HNRNPH1: variants seen among roughly 807,000 people sequenced by gnomAD.
HNRNPH1 encodes heterogeneous nuclear ribonucleoprotein H.
In HNRNPH1, 4 loss-of-function variants were observed where a neutral mutation model predicts 58.6. That is an observed-to-expected ratio of 0.07 (90% CI 0.03 to 0.16). HNRNPH1 has a LOEUF of 0.16. HNRNPH1 is among the 10% of genes least tolerant of loss of function. HNRNPH1 has a pLI of 1.00. For missense variants in HNRNPH1, 271 were observed against 564.2 expected (o/e 0.48, Z 5.26); for synonymous variants, 192 against 189.2 (o/e 1.01, Z -0.12).
intron 2 of HNRNPH1, 41 bp from the exon 4 acceptor site, chr5:179,621,076 G>A (rs749005424): frequency 5.6e-6 from 9 of 1,603,076 alleles, no homozygotes; most frequent in South Asian, 3.3e-5. Flanking sequence ...TGGAAAATTA[G>A]ATAACAAAGT....
exon 1 of HNRNPH1, chr5:179,624,161 G>T (rs1280625894): frequency 4.8e-6 from 1 of 206,364 alleles, no homozygotes; most frequent in Non-Finnish European, 9.6e-6. Context: ...TCCCCGCGCC[G>T]CCTGTCTTCC....
intron 1 of HNRNPH1, 25 bp from the exon 3 acceptor site, chr5:179,621,422 C>T: frequency 6.2e-7 from 1 of 1,607,080 alleles, no homozygotes; most frequent in East Asian, 2.2e-5. Flanking sequence ...ACCGTTAATA[C>T]AGAATTTAAA....
intron 1 of HNRNPH1, among the ~76,000 whole-genome samples, chr5:179,622,259 C>T (rs1772795565): frequency 6.6e-6 from 1 of 152,170 alleles, no homozygotes; most frequent in Admixed American, 6.5e-5. Context: ...GACATTTTAA[C>T]TTTCCGAAGA....
intron 2 of HNRNPH1, among the ~76,000 whole-genome samples, chr5:179,631,872 C>T (rs1027118990): frequency 6.6e-6 from 1 of 151,998 alleles, no homozygotes; most frequent in Non-Finnish European, 1.5e-5. Context: ...GAGCTGAGAT[C>T]GCGCCCCTTA....
chr5:179,630,967 C>T (rs115631782), intron 2 of HNRNPH1, among the ~76,000 whole-genome samples: 1,867 of 150,362 alleles, frequency 0.012, 45 homozygotes, highest in African/African-American at 0.043. Flanking sequence ...AATCAAAAAA[C>T]ATACATTTCA....
intron 12 of HNRNPH1, 193 bp downstream of exon 13, chr5:179,615,353 G>A: frequency 2.0e-6 from 1 of 500,470 alleles, no homozygotes; most frequent in South Asian, 3.8e-5. Context: ...AGGGAGCACA[G>A]GGGAAGTCTC....
Position 179,621,740 on chromosome 5 carries a change from T to A in HNRNPH1, c.98-343A>T, listed in dbSNP as rs188811187. On this transcript the variant is annotated intron_variant, in intron 1 of 12. Coordinates refer to ENST00000356731, the Ensembl canonical transcript of HNRNPH1. ...CTGTGTGACTTTACGGCAAACATACTTCGTTGCGAGCTGTTTTGGTCTGGG... is the reference window on the plus strand; with the variant it reads ...CTGTGTGACTTTACGGCAAACATACATCGTTGCGAGCTGTTTTGGTCTGGG... 384 of 378,982 alleles carry A rather than the reference T, an allele frequency of 1.0e-3. 1 individual carries two copies. Among genetic ancestry groups the A allele is most frequent in the Admixed American group, 1.8e-3 (45 of 25,418 alleles). The allele number at this position is 378,982 out of a possible 1,614,324, so 23.5% of individuals were successfully genotyped here.
chr5:179,630,087 G>A (rs1023611421), intron 2 of HNRNPH1, among the ~76,000 whole-genome samples: 5 of 152,064 alleles, frequency 3.3e-5, no homozygotes, highest in African/African-American at 1.2e-4. Flanking sequence ...CCGGGCTCAT[G>A]CCTGTAATCC....
intron 12 of HNRNPH1, 160 bp from the exon 14 acceptor site, chr5:179,615,119 A>G (rs951860166): frequency 9.9e-6 from 6 of 603,720 alleles, no homozygotes; most frequent in African/African-American, 5.5e-5. Flanking sequence ...GACTCCAAAC[A>G]AGCCTCAATT....
At chr5:179,622,576 C>T (rs1773015169) in intron 1 of HNRNPH1, among the ~76,000 whole-genome samples, 2 of 152,000 alleles carry the variant, frequency 1.3e-5, no homozygotes, top group African/African-American at 2.4e-5. Context: ...CCGGGCGTGG[C>T]GGTGCGCGCC....
intron 8 of HNRNPH1, 24 bp downstream of exon 9, chr5:179,617,490 C>A (rs1479319688): frequency 6.2e-7 from 1 of 1,609,304 alleles, no homozygotes; most frequent in South Asian, 1.1e-5. Flanking sequence ...TGTTAAGAGC[C>A]CACAAATGCT....
rs574160362 is a variant in HNRNPH1, at chr5:179,621,044, G to A, written c.254-9C>T. 7 of 1,612,806 alleles carry A rather than the reference G, an allele frequency of 4.3e-6. No homozygotes were observed. The highest frequency in any genetic ancestry group is 3.3e-5 in the Admixed American group (2 of 59,842). On this transcript the variant is annotated splice_polypyrimidine_tract_variant and intron_variant, in intron 2 of 12. Coordinates refer to ENST00000356731, the Ensembl canonical transcript of HNRNPH1. ...GTTGTTTGACTTGAATACTGAAAGAGGTGCTTAGAATTAGTCACTTTTGGA... is the reference window on the plus strand; with the variant it reads ...GTTGTTTGACTTGAATACTGAAAGAAGTGCTTAGAATTAGTCACTTTTGGA...
At chr5:179,622,374 G>A (rs1265253369) in intron 1 of HNRNPH1, among the ~76,000 whole-genome samples, 1 of 152,202 alleles carries the variant, frequency 6.6e-6, no homozygotes, top group Non-Finnish European at 1.5e-5. Context: ...ATTTTCTCAA[G>A]ATTGAGGAGG....
chr5:179,632,751 A>ATTTTTTT (rs1774949107), intron 2 of HNRNPH1, among the ~76,000 whole-genome samples: 1 of 50,884 alleles, frequency 2.0e-5, no homozygotes, highest in Non-Finnish European at 3.6e-5. Context: ...CAAATCAAAT[A>ATTTTTTT]TCTTTTTTTT....
chr5:179,623,712 C>A (rs1004708915), exon 1 of HNRNPH1: 1 of 152,408 alleles, frequency 6.6e-6, no homozygotes, highest in Non-Finnish European at 1.5e-5. Context: ...GTCCCTTGTG[C>A]GAGTTCTGCG....
In HNRNPH1 at chr5:179,617,498, G is replaced by C. The variant is rs1412201982; in HGVS notation, c.1057+16C>G. 3.1e-6 allele frequency: 5 copies of C among 1,610,492 alleles called. No homozygotes were observed. The highest frequency in any genetic ancestry group is 3.4e-5 in the Admixed American group (2 of 59,546). The stretch of plus-strand genomic sequence containing the variant: ...AATCACCTGTTAAGAGCCCACAAAT[G>C]CTCAATCACACTTACGCATATTTGC... On this transcript the variant is annotated intron_variant, in intron 8 of 12. Coordinates refer to ENST00000356731, the Ensembl canonical transcript of HNRNPH1.
chr5:179,628,054 C>T (rs1348699942), upstream of HNRNPH1, among the ~76,000 whole-genome samples: 5 of 152,058 alleles, frequency 3.3e-5, no homozygotes, highest in Non-Finnish European at 7.4e-5. Context: ...AACTCCGAAC[C>T]TCAAGTGATC....
rs188624527 is a variant in HNRNPH1 at position 179,631,512 on chromosome 5, G to C, written c.-32+2553C>G. Among the ~76,000 whole-genome samples the C allele has an allele frequency of 3.4e-4, 51 of 151,752 alleles. 1 individual carries two copies. The highest frequency in any genetic ancestry group is 5.9e-5 in the Non-Finnish European group (4 of 67,942). On this transcript the variant is annotated intron_variant, in intron 2 of 4. Transcript: ENST00000521116. Reference sequence around the variant, plus strand: ...TGTAATCCTAGCACTTTGGGAGGCCGAGGCAGGCAAATTACCTGAGGTCGG... The same window carrying C: ...TGTAATCCTAGCACTTTGGGAGGCCCAGGCAGGCAAATTACCTGAGGTCGG...
upstream of HNRNPH1, among the ~76,000 whole-genome samples, chr5:179,628,993 A>C (rs1352606026): frequency 6.6e-6 from 1 of 151,560 alleles, no homozygotes; most frequent in Non-Finnish European, 1.5e-5. Flanking sequence ...AGAAAAGAAA[A>C]TAAATGCAAT....
Sources: gnomAD v4.1 joint callset for allele counts (sites outside exome capture counted in the v4.1 genomes callset) on GRCh38, gnomAD v4.1.1 for gene constraint, MANE v1.5 for transcripts, NCBI Gene and HGNC (gene_info 2026-07-23, HGNC 2026-07-21) for gene names.